Variants in CHST9 observed in about 807,000 individuals in gnomAD.
CHST9 encodes GalNAc-4-sulfotransferase 2.
CHST9 carries 41 observed loss-of-function variants against 44.4 expected under a neutral mutation model. That is an observed-to-expected ratio of 0.92 (90% CI 0.72 to 1.20). CHST9 has a LOEUF of 1.20. Ranked by LOEUF, CHST9 falls within the 50% of genes most tolerant of loss-of-function variation. The pLI, the probability that CHST9 is intolerant of heterozygous loss-of-function variation, is 0.00. For missense variants in CHST9, 504 were observed against 516.5 expected, an observed-to-expected ratio of 0.98 and a Z score of 0.23; for synonymous variants, 171 against 178.4, an observed-to-expected ratio of 0.96 and a Z score of 0.33.
intron 4 of CHST9, among the ~76,000 whole-genome samples, chr18:26,983,807 A>G (rs1179926413): frequency 6.6e-6 from 1 of 152,228 alleles, no homozygotes; most frequent in Non-Finnish European, 1.5e-5. Context: ...GGAAGAAATC[A>G]CTAAGTTTTA....
intron 2 of CHST9, among the ~76,000 whole-genome samples, chr18:27,081,253 G>A (rs929423221): frequency 1.3e-5 from 2 of 152,022 alleles, no homozygotes; most frequent in African/African-American, 4.8e-5. Context: ...AGCTAAGGTG[G>A]GATCATTTGA....
intron 5 of CHST9, chr18:26,936,813 C>T (rs780893072): frequency 2.6e-5 from 4 of 152,102 alleles, no homozygotes; most frequent in Non-Finnish European, 4.4e-5. Context: ...TATATTTCAC[C>T]AGCCTATTGG....
At chr18:27,168,661 G>T (rs193103918) in intron 1 of CHST9, among the ~76,000 whole-genome samples, 1 of 152,188 alleles carries the variant, frequency 6.6e-6, no homozygotes. Context: ...ATCACATAGG[G>T]AGTTGAATAT....
chr18:27,142,679 CAT>C lies in CHST9; in HGVS notation c.121+8_121+9del, dbSNP rs763399502. ...TACAATTAAAATAGAAGAAAAAGCACATGTGTTACCTGTATGTTGTTCTTCAA... is the reference window on the plus strand; with the variant it reads ...TACAATTAAAATAGAAGAAAAAGCACGTGTTACCTGTATGTTGTTCTTCAA... On this transcript the variant is annotated splice_region_variant and intron_variant, in intron 2 of 5. Transcript: ENST00000618847. The C allele has an allele frequency of 2.8e-5, 44 of 1,562,766 alleles. No individual in the cohort carries two copies. The East Asian group carries it at 4.8e-4, about 17-fold the overall frequency.
At chr18:27,049,870 G>C (rs758753775) in intron 2 of CHST9, among the ~76,000 whole-genome samples, 2 of 152,186 alleles carry the variant, frequency 1.3e-5, no homozygotes, top group Non-Finnish European at 2.9e-5. Context: ...AGACAGCACA[G>C]AGGAGTGGGT....
At chr18:27,037,301 T>C (rs1057107102) in intron 3 of CHST9, among the ~76,000 whole-genome samples, 3 of 152,138 alleles carry the variant, frequency 2.0e-5, no homozygotes, top group Admixed American at 6.5e-5. Flanking sequence ...GATAATGAAT[T>C]TGATAATTTA....
chr18:27,052,733 T>C (rs1000023176), intron 2 of CHST9, among the ~76,000 whole-genome samples: 14 of 152,166 alleles, frequency 9.2e-5, no homozygotes, highest in Admixed American at 8.5e-4. Context: ...CATGGAATAC[T>C]ATGCAGCCAT....
At chr18:26,969,215 G>T (rs1420925930) in intron 4 of CHST9, among the ~76,000 whole-genome samples, 2 of 151,934 alleles carry the variant, frequency 1.3e-5, no homozygotes, top group East Asian at 3.9e-4. Context: ...TATTAGCCAG[G>T]TTGGTCTCGA....
rs181341637 is a variant in CHST9 at position 27,090,100 on chromosome 18, C to T, written c.122-41597G>A. Among the ~76,000 whole-genome samples, 31 of 152,184 alleles carry T rather than the reference C, an allele frequency of 2.0e-4. No individual in the cohort carries two copies. In the East Asian group the frequency reaches 4.6e-3, roughly 23 times the overall value. ...TGCTGGGATTACAGGCGTGAGCCAC[C>T]GCGCCCAGTGTTTCCTGACTTTTTA... On this transcript the variant is annotated intron_variant, in intron 2 of 5. Transcript: ENST00000618847.
chr18:27,055,343 T>G (rs1265028367), intron 2 of CHST9, among the ~76,000 whole-genome samples: 1 of 152,184 alleles, frequency 6.6e-6, no homozygotes, highest in Non-Finnish European at 1.5e-5. Flanking sequence ...ACTCGCAATA[T>G]TTTTGGATAA....
chr18:27,147,397 G>A (rs1239411022), intron 1 of CHST9, among the ~76,000 whole-genome samples: 2 of 152,082 alleles, frequency 1.3e-5, no homozygotes, highest in Admixed American at 6.6e-5. Context: ...AGGAGTGGTG[G>A]GGTTTTGGGG....
intron 2 of CHST9, among the ~76,000 whole-genome samples, chr18:27,056,147 A>G (rs145941914): frequency 6.6e-6 from 1 of 152,138 alleles, no homozygotes; most frequent in African/African-American, 2.4e-5. Context: ...TCTAACCACA[A>G]TGTTTCAGGA....
intron 2 of CHST9, among the ~76,000 whole-genome samples, chr18:27,078,440 C>A (rs751137822): frequency 6.6e-6 from 1 of 151,988 alleles, no homozygotes; most frequent in Non-Finnish European, 1.5e-5. Flanking sequence ...TGAACCATTG[C>A]GCTTAGGGGA....
intron 2 of CHST9, among the ~76,000 whole-genome samples, chr18:27,101,767 C>T (rs1417511017): frequency 1.3e-5 from 2 of 152,322 alleles, no homozygotes; most frequent in South Asian, 2.1e-4. Context: ...TATATCCTAA[C>T]ACGTTATTGC....
At chr18:26,955,207 A>G (rs1037795310) in intron 4 of CHST9, among the ~76,000 whole-genome samples, 1 of 148,462 alleles carries the variant, frequency 6.7e-6, no homozygotes, top group Non-Finnish European at 1.5e-5. Context: ...CAATAACAGG[A>G]ATTACACCAG....
At chr18:27,034,812 T>G (rs2057375037) in intron 3 of CHST9, among the ~76,000 whole-genome samples, 1 of 152,252 alleles carries the variant, frequency 6.6e-6, no homozygotes, top group Non-Finnish European at 1.5e-5. Flanking sequence ...AATTTAATTT[T>G]ATCTCTTCTG....
At chr18:26,947,658 C>T (rs568832396) in intron 4 of CHST9, among the ~76,000 whole-genome samples, 1 of 152,294 alleles carries the variant, frequency 6.6e-6, no homozygotes, top group South Asian at 2.1e-4. Flanking sequence ...AGCTCATCAT[C>T]ACTGGTCATT....
At chr18:27,103,196 G>T (rs2058190113) in intron 2 of CHST9, among the ~76,000 whole-genome samples, 1 of 152,060 alleles carries the variant, frequency 6.6e-6, no homozygotes, top group Admixed American at 6.5e-5. Flanking sequence ...GCATAGAACG[G>T]GTAGGTGGTT....
intron 4 of CHST9, among the ~76,000 whole-genome samples, chr18:26,989,815 T>G (rs1254530918): frequency 6.6e-6 from 1 of 152,108 alleles, no homozygotes; most frequent in Admixed American, 6.5e-5. Context: ...TTAGGCATGG[T>G]GGCAGGTGCC....
Sources: gnomAD v4.1 joint callset for allele counts (sites outside exome capture counted in the v4.1 genomes callset) on GRCh38, gnomAD v4.1.1 for gene constraint, MANE v1.5 for transcripts, NCBI Gene and HGNC (gene_info 2026-07-23, HGNC 2026-07-21) for gene names.